Variants in AKT1 observed in about 807,000 individuals in gnomAD.
AKT1 encodes the protein AKT serine/threonine kinase 1, also known as RAC-alpha serine/threonine-protein kinase.
AKT1 carries 21 observed loss-of-function variants against 63.1 expected under a neutral mutation model. The ratio of observed to expected loss-of-function variants is 0.33; its 90% CI spans 0.24 to 0.48. The LOEUF (loss-of-function observed/expected upper bound fraction) is 0.48, where lower values mean the gene tolerates loss of function less well. AKT1 is among the 20% of genes least tolerant of loss of function. AKT1 has a pLI of 0.99. For synonymous variants in AKT1, 257 were observed against 253.1 expected, an observed-to-expected ratio of 1.02 and a Z score of -0.15; for missense variants, 382 against 666.0, an observed-to-expected ratio of 0.57 and a Z score of 4.69.
intron 3 of AKT1, among the ~76,000 whole-genome samples, chr14:104,784,781 A>C (rs899297335): frequency 6.6e-6 from 1 of 151,968 alleles, no homozygotes; most frequent in African/African-American, 2.4e-5. Context: ...CCACTTAGAC[A>C]TGGGGGCCAG....
intron 3 of AKT1, among the ~76,000 whole-genome samples, chr14:104,790,313 C>G (rs1323976653): frequency 1.3e-5 from 2 of 152,200 alleles, no homozygotes; most frequent in African/African-American, 4.8e-5. Context: ...CAAGGGGCTG[C>G]GGCCGGGCCT....
chr14:104,780,784 C>G (rs1892992602), intron 3 of AKT1, among the ~76,000 whole-genome samples: 1 of 150,888 alleles, frequency 6.6e-6, no homozygotes, highest in Non-Finnish European at 1.5e-5. Flanking sequence ...CAGCACCACT[C>G]AGACTGAGGG....
At chr14:104,792,358 C>T (rs1200458820) in intron 3 of AKT1, among the ~76,000 whole-genome samples, 1 of 152,164 alleles carries the variant, frequency 6.6e-6, no homozygotes, top group Non-Finnish European at 1.5e-5. Context: ...TGCCAGGGCC[C>T]ACACCAGGAA....
Position 104,773,395 on chromosome 14 carries a change from C to A in AKT1, c.829-16G>T. The A allele has an allele frequency of 1.9e-6, 3 of 1,614,154 alleles. No individual in the cohort carries two copies. Among genetic ancestry groups the A allele is most frequent in the Non-Finnish European group, 2.5e-6 (3 of 1,179,984 alleles). ...GGTTCTCCAGCTAGGGGAAAGGTGG[C>A]CTCAGGTCAGTGCCGCCAGGCCCCC... On this transcript the variant is annotated splice_polypyrimidine_tract_variant and intron_variant, in intron 10 of 14. Coordinates refer to ENST00000649815, the MANE Select transcript of AKT1 (RefSeq NM_001382430.1).
At chr14:104,771,234 G>A (rs527401955) in intron 13 of AKT1, 1 of 304,840 alleles carries the variant, frequency 3.3e-6, no homozygotes, top group South Asian at 5.8e-5. Flanking sequence ...GAGGGAGACT[G>A]TGGAACAAGG....
rs768070795 is a variant in AKT1, at chr14:104,775,131, G to A, written c.512C>T (p.Ala171Val). 6.2e-7 allele frequency: 1 copy of A among 1,614,122 alleles called. No individual in the cohort carries two copies. The highest frequency in any genetic ancestry group is 8.5e-7 in the Non-Finnish European group (1 of 1,180,040). Residue 171 changes from alanine to valine, a missense_variant, in exon 7 of 15, where the codon GCC (alanine) becomes GTC (valine). Transcript: ENST00000649815. The stretch of plus-strand genomic sequence containing the variant: ...CTTCATGGCGTAGTAGCGGCCTGTG[G>A]CCTTCTCCTTCACCAGGATCACCTT... ...FGKVILVKEK[A>V]TGRYYAMKIL...
At chr14:104,786,685 G>A (rs1303754507) in intron 3 of AKT1, among the ~76,000 whole-genome samples, 7 of 152,192 alleles carry the variant, frequency 4.6e-5, no homozygotes, top group Non-Finnish European at 1.0e-4. Context: ...TTGGAGCCAC[G>A]CCTGGGGCAG....
In AKT1 at chr14:104,769,625, A is replaced by T; in HGVS notation, c.*716T>A. ...GGCTCCCGGTGGGACAGTCACCAAG[A>T]ACTGTGACACAGAAGGGGAAGGGGG... On this transcript the variant is annotated 3_prime_UTR_variant, in exon 15 of 15. Coordinates refer to ENST00000649815, the MANE Select transcript of AKT1 (RefSeq NM_001382430.1). 1 of 520,318 alleles carries T rather than the reference A, an allele frequency of 1.9e-6. No homozygotes were observed. The highest frequency in any genetic ancestry group is 1.6e-5 in the South Asian group (1 of 62,718). 32.2% of individuals were successfully genotyped at this position (520,318 alleles called of 1,614,324 possible). A position where few individuals can be genotyped will look rare whatever the true frequency, so the allele number is the denominator to read the frequency against.
intron 4 of AKT1, chr14:104,777,824 G>A: frequency 1.7e-6 from 1 of 587,216 alleles, no homozygotes; most frequent in Non-Finnish European, 2.1e-6. Context: ...GCCAGGAGGG[G>A]GCTCGGGACC....
rs754031503 is a variant in AKT1 at position 104,792,634 on chromosome 14, C to T, written c.10G>A (p.Val4Met). The change falls in exon 3 of 15, where the codon GTG (valine) becomes ATG (methionine). Residue 4 changes from valine to methionine, a missense_variant. This residue lies in a region of AKT1 where 226 missense variants were observed against 366.4 expected (regional missense o/e 0.62). Transcript: ENST00000649815. Reference sequence around the variant, plus strand: ...AGCCAACCCTCCTTCACAATAGCCACGTCGCTCATGGTGCCCGAGGCTCCC... The same window carrying T: ...AGCCAACCCTCCTTCACAATAGCCATGTCGCTCATGGTGCCCGAGGCTCCC... The part of the protein sequence containing the change: MSD[V>M]AIVKEGWLHK... The T allele has an allele frequency of 2.7e-5, 44 of 1,611,232 alleles. No homozygotes were observed. The highest frequency in any genetic ancestry group is 3.4e-5 in the Non-Finnish European group (40 of 1,179,902).
At chr14:104,791,750 G>A (rs1017570703) in intron 3 of AKT1, among the ~76,000 whole-genome samples, 3 of 152,254 alleles carry the variant, frequency 2.0e-5, no homozygotes, top group South Asian at 4.1e-4. Flanking sequence ...AAGCCGGGGG[G>A]CTGCTGGCAT....
chr14:104,775,544 C>T (rs772958131), intron 6 of AKT1, 108 bp downstream of exon 6: 174 of 1,441,864 alleles, frequency 1.2e-4, no homozygotes, highest in Non-Finnish European at 1.5e-4. Flanking sequence ...GTGGAGATGC[C>T]GTGGAGTGCT....
Position 104,774,810 on chromosome 14 carries a change from C to T in AKT1, c.633+128G>A, listed in dbSNP as rs999909721. ...GACCCTCCAGGGCAGGCCTGTCTCA[C>T]CAGCGGCGGAGTCCACGGTGTGTAA... On this transcript the variant is annotated intron_variant, in intron 8 of 14. Coordinates refer to ENST00000649815, the MANE Select transcript of AKT1 (RefSeq NM_001382430.1). 6.6e-6 allele frequency: 7 copies of T among 1,053,850 alleles called. No individual in the cohort carries two copies. The African/African-American group carries it at 8.0e-5, about 12-fold the overall frequency. The allele number at this position is 1,053,850 out of a possible 1,614,324, so 65.3% of individuals were successfully genotyped here. A position where few individuals can be genotyped will look rare whatever the true frequency, so the allele number is the denominator to read the frequency against.
chr14:104,776,990 C>T, intron 4 of AKT1: 1 of 522,950 alleles, frequency 1.9e-6, no homozygotes, highest in Non-Finnish European at 3.4e-6. Context: ...GAGGCAGCCA[C>T]ACAGGGCATC....
At chr14:104,779,087 C>T (rs1259739427) in intron 4 of AKT1, among the ~76,000 whole-genome samples, 1 of 152,206 alleles carries the variant, frequency 6.6e-6, no homozygotes, top group African/African-American at 2.4e-5. Flanking sequence ...GGGAGGCCCA[C>T]GTGTCCCCAG....
At chr14:104,782,191 C>G (rs1438474208) in intron 3 of AKT1, among the ~76,000 whole-genome samples, 1 of 151,956 alleles carries the variant, frequency 6.6e-6, no homozygotes, top group Non-Finnish European at 1.5e-5. Context: ...ACCCGTCCCC[C>G]ATCCTGGGCC....
chr14:104,795,304 T>A lies in AKT1; in HGVS notation c.-258+180A>T, dbSNP rs1218934882. 6.7e-6 allele frequency among the ~76,000 whole-genome samples: 1 copy of A among 149,864 alleles called. No individual in the cohort carries two copies. Among genetic ancestry groups the A allele is most frequent in the Non-Finnish European group, 1.5e-5 (1 of 67,246 alleles). On this transcript the variant is annotated intron_variant, in intron 1 of 14. Transcript: ENST00000649815. This position sits in a 1 kb window ranked among gnomAD's most constrained non-coding sequence, Gnocchi z 5.1. ...CGCCCGGCGTGGGGCCGCCCTCCCTTGGCCGGGCCCGCGCGCCCCGCGCCC... is the reference window on the plus strand; with the variant it reads ...CGCCCGGCGTGGGGCCGCCCTCCCTAGGCCGGGCCCGCGCGCCCCGCGCCC...
intron 6 of AKT1, 150 bp from the exon 7 acceptor site, chr14:104,775,357 G>A (rs1892641920): frequency 2.1e-6 from 3 of 1,408,728 alleles, no homozygotes; most frequent in South Asian, 2.8e-5. Context: ...GCTCAGCGGG[G>A]AGTCCAGGCT....
At chr14:104,779,297 G>A (rs1376668593) in intron 4 of AKT1, among the ~76,000 whole-genome samples, 2 of 152,264 alleles carry the variant, frequency 1.3e-5, no homozygotes, top group East Asian at 3.8e-4. Flanking sequence ...CCATGGGCAA[G>A]GAGGCAGCCT....
Sources: allele counts gnomAD v4.1 joint callset (sites outside exome capture counted in the v4.1 genomes callset), GRCh38; gene constraint gnomAD v4.1.1; regional missense constraint gnomAD v4.1.1; non-coding constraint Gnocchi (gnomAD v3.1); transcripts MANE v1.5; gene names NCBI Gene and HGNC (gene_info 2026-07-23, HGNC 2026-07-21).